Variants in GPC3 observed in about 807,000 individuals in gnomAD.
GPC3 encodes the protein glypican-3.
In GPC3, 3 loss-of-function variants were observed where a neutral mutation model predicts 34.4. The observed-to-expected ratio is 0.09, with a 90% CI of 0.04 to 0.23. The LOEUF is 0.23. Among genes scored for constraint, GPC3 ranks in the 10% least tolerant of loss-of-function variants. The pLI is 1.00. For missense variants in GPC3, 351 were observed against 445.6 expected, an observed-to-expected ratio of 0.79 and a Z score of 1.91; for synonymous variants, 177 against 174.0, an observed-to-expected ratio of 1.02 and a Z score of -0.13.
chrX:133,657,029 C>T (rs903666506), intron 6 of GPC3, among the ~76,000 whole-genome samples: 2 of 111,873 alleles, frequency 1.8e-5, no homozygotes, highest in Non-Finnish European at 3.8e-5. Flanking sequence ...CAGGACATTT[C>T]AACGATCCCA....
chrX:133,595,436 A>G (rs182922369), intron 7 of GPC3, among the ~76,000 whole-genome samples: 1 of 112,042 alleles, frequency 8.9e-6, no homozygotes, highest in Non-Finnish European at 1.9e-5. Flanking sequence ...AAACTGTGAT[A>G]TGGAATACAA....
At chrX:133,744,473 C>T (rs1004607181) in intron 3 of GPC3, among the ~76,000 whole-genome samples, 4 of 112,382 alleles carry the variant, frequency 3.6e-5, no homozygotes, top group East Asian at 2.8e-4. Flanking sequence ...TACCATCTCA[C>T]GTCAGTTAGA....
intron 3 of GPC3, among the ~76,000 whole-genome samples, chrX:133,745,676 CCAAT>C (rs1193862198): frequency 6.2e-5 from 7 of 112,545 alleles, no homozygotes; most frequent in Non-Finnish European, 1.3e-4. Flanking sequence ...TGCTTTTTGG[CCAAT>C]CAGTCAGGGT....
intron 3 of GPC3, among the ~76,000 whole-genome samples, chrX:133,751,074 A>AAAATAAAT (rs60283835): frequency 0.046 from 4,104 of 88,537 alleles, 113 homozygotes; most frequent in Middle Eastern, 0.071. Context: ...CTCTGTCTCA[A>AAAATAAAT]AAATAAATAA....
chrX:133,598,203 G>A lies in GPC3; in HGVS notation c.1414-1604C>T, dbSNP rs192618919. On this transcript the variant is annotated intron_variant, in intron 6 of 7. Transcript: ENST00000370818. ...GGTCTGGATCCATCACCCAGGTGGG[G>A]GTGCAGTGGCATGATCATGGCTCAC... is the stretch of plus-strand genomic sequence containing the variant. Among the ~76,000 whole-genome samples, 189 of 111,005 alleles carry A rather than the reference G, an allele frequency of 1.7e-3. 1 individual carries two copies. Among genetic ancestry groups the A allele is most frequent in the African/African-American group, 5.9e-3 (181 of 30,549 alleles).
At chrX:133,763,666 A>AT (rs1346746133) in intron 2 of GPC3, 25 of 649,756 alleles carry the variant, frequency 3.8e-5, no homozygotes, top group Non-Finnish European at 6.2e-5. Context: ...GGTAGGAGCA[A>AT]CCACTGGTTA....
At chrX:133,701,532 C>T (rs751930524) in intron 3 of GPC3, among the ~76,000 whole-genome samples, 11 of 112,317 alleles carry the variant, frequency 9.8e-5, no homozygotes, top group African/African-American at 3.2e-4. Flanking sequence ...AGCCATCCAA[C>T]GTAGCCAAGG....
chrX:133,949,710 T>A (rs1421501164), intron 2 of GPC3, among the ~76,000 whole-genome samples: 1 of 112,425 alleles, frequency 8.9e-6, no homozygotes, highest in Non-Finnish European at 1.9e-5. Context: ...CTGAAAATCA[T>A]AATAAAATTC....
chrX:133,605,435 T>C (rs1308767836), intron 6 of GPC3, among the ~76,000 whole-genome samples: 1 of 112,382 alleles, frequency 8.9e-6, no homozygotes, highest in Non-Finnish European at 1.9e-5. Flanking sequence ...AACTTTCCAC[T>C]GTTTGTAATT....
At chrX:133,576,687 T>G (rs1313311812) in intron 7 of GPC3, among the ~76,000 whole-genome samples, 5 of 111,109 alleles carry the variant, frequency 4.5e-5, no homozygotes, top group African/African-American at 1.6e-4. Context: ...ATTTCAAAGT[T>G]ATTAGTAAAT....
chrX:133,984,758 T>A (rs1443864496), intron 1 of GPC3, among the ~76,000 whole-genome samples: 1 of 108,083 alleles, frequency 9.3e-6, no homozygotes, highest in African/African-American at 3.4e-5. Context: ...GACTCAGAAA[T>A]CTGTCCTCAA....
chrX:133,869,950 G>A (rs546808242), intron 2 of GPC3, among the ~76,000 whole-genome samples: 72 of 111,768 alleles, frequency 6.4e-4, no homozygotes, highest in African/African-American at 2.1e-3. Flanking sequence ...GCGAGAGTCC[G>A]TCTCAAAAAA....
intron 2 of GPC3, among the ~76,000 whole-genome samples, chrX:133,760,494 T>C (rs1234832686): frequency 8.9e-6 from 1 of 111,773 alleles, no homozygotes; most frequent in Non-Finnish European, 1.9e-5. Flanking sequence ...GAACTCTAAA[T>C]GTCTATTGCT....
intron 4 of GPC3, among the ~76,000 whole-genome samples, chrX:133,695,283 T>A (rs995271575): frequency 2.7e-5 from 3 of 112,047 alleles, no homozygotes; most frequent in African/African-American, 9.7e-5. Flanking sequence ...GAATGATAGC[T>A]AAAGGGTACA....
intron 2 of GPC3, among the ~76,000 whole-genome samples, chrX:133,764,676 T>C (rs1457311450): frequency 8.9e-6 from 1 of 112,024 alleles, no homozygotes; most frequent in East Asian, 2.8e-4. Flanking sequence ...GTTTCTTAAA[T>C]AGATAAAACT....
intron 2 of GPC3, among the ~76,000 whole-genome samples, chrX:133,901,514 C>T (rs2076143803): frequency 9.0e-6 from 1 of 111,278 alleles, no homozygotes; most frequent in South Asian, 3.8e-4. Flanking sequence ...GGTCTCGGCT[C>T]ACTGCAACCT....
intron 2 of GPC3, among the ~76,000 whole-genome samples, chrX:133,766,778 A>G (rs984528137): frequency 2.7e-5 from 3 of 112,111 alleles, no homozygotes; most frequent in African/African-American, 9.7e-5. Context: ...TATTTGTCCA[A>G]TATTTTTTCC....
intron 2 of GPC3, among the ~76,000 whole-genome samples, chrX:133,950,930 T>C (rs1432187076): frequency 9.0e-6 from 1 of 110,721 alleles, no homozygotes; most frequent in African/African-American, 3.3e-5. Context: ...AGATAAAGAA[T>C]GAGTACCGAT....
intron 2 of GPC3, among the ~76,000 whole-genome samples, chrX:133,895,752 GACACAGGCACAC>G (rs781702488): frequency 9.0e-6 from 1 of 110,826 alleles, no homozygotes; most frequent in East Asian, 2.8e-4. Context: ...CACACACATA[GACACAGGCACAC>G]ACACATCTCA....
Sources: allele counts gnomAD v4.1 joint callset (sites outside exome capture counted in the v4.1 genomes callset), GRCh38; gene constraint gnomAD v4.1.1; transcripts MANE v1.5; gene names NCBI Gene and HGNC (gene_info 2026-07-23, HGNC 2026-07-21).